The following SPIRE1 variants were observed in gnomAD, a reference collection of about 807,000 sequenced individuals.
SPIRE1 encodes the protein protein spire homolog 1.
SPIRE1 carries 40 observed loss-of-function variants against 94.1 expected under a neutral mutation model. The ratio of observed to expected loss-of-function variants is 0.43; its 90% CI spans 0.33 to 0.55. The LOEUF is 0.55. SPIRE1 is among the 20% of genes least tolerant of loss of function. The probability of loss-of-function intolerance (pLI) is 0.06; values close to 1 mark genes in which losing one functional copy is unlikely to be tolerated. For missense variants in SPIRE1, 838 were observed against 975.2 expected, an observed-to-expected ratio of 0.86 and a Z score of 1.87; for synonymous variants, 376 against 371.7, an observed-to-expected ratio of 1.01 and a Z score of -0.13.
chr18:12,631,548 C>CAAAAAAAAAAAAA (rs869278182), intron 2 of SPIRE1, among the ~76,000 whole-genome samples: 26 of 63,784 alleles, frequency 4.1e-4, no homozygotes, highest in Admixed American at 8.8e-4. Context: ...CCCATCTCTA[C>CAAAAAAAAAAAAA]AAAAAAAAAA....
intron 2 of SPIRE1, among the ~76,000 whole-genome samples, chr18:12,574,005 C>T (rs538700582): frequency 2.0e-5 from 3 of 152,298 alleles, no homozygotes; most frequent in South Asian, 4.1e-4. Flanking sequence ...TCCCAAAGTG[C>T]TAAGATTACA....
intron 2 of SPIRE1, among the ~76,000 whole-genome samples, chr18:12,628,490 C>T (rs553400831): frequency 6.6e-6 from 1 of 152,230 alleles, no homozygotes; most frequent in East Asian, 1.9e-4. Flanking sequence ...TACAATGCCT[C>T]CAGTTTTGTT....
chr18:12,494,637 G>T (rs1374185222), intron 7 of SPIRE1, among the ~76,000 whole-genome samples: 1 of 151,250 alleles, frequency 6.6e-6, no homozygotes, highest in Non-Finnish European at 1.5e-5. Flanking sequence ...AGATCATCCT[G>T]GCTAACACGG....
chr18:12,569,646 A>AC (rs1167091002), intron 2 of SPIRE1, among the ~76,000 whole-genome samples: 1 of 151,706 alleles, frequency 6.6e-6, no homozygotes, highest in East Asian at 1.9e-4. Flanking sequence ...CAAAAAAAAA[A>AC]AACAAGAGAA....
At chr18:12,657,492 T>C in intron 1 of SPIRE1, 38 bp downstream of exon 1, 1 of 1,223,536 alleles carries the variant, frequency 8.2e-7, no homozygotes, top group Non-Finnish European at 1.0e-6. Flanking sequence ...CCGCGGGTGT[T>C]CCAAGAACTA....
chr18:12,529,097 C>A (rs1042388210), intron 4 of SPIRE1, among the ~76,000 whole-genome samples: 5 of 152,344 alleles, frequency 3.3e-5, no homozygotes, highest in Admixed American at 3.3e-4. Flanking sequence ...AGGCTGGGCA[C>A]AGTGGCTCAC....
chr18:12,476,535 T>C (rs1251118130), intron 10 of SPIRE1, among the ~76,000 whole-genome samples: 1 of 80,168 alleles, frequency 1.2e-5, no homozygotes, highest in Non-Finnish European at 2.2e-5. Flanking sequence ...AGCGAGACTC[T>C]GTCTCCAAAA....
chr18:12,528,568 T>C (rs374782691), intron 4 of SPIRE1, among the ~76,000 whole-genome samples: 37 of 152,104 alleles, frequency 2.4e-4, no homozygotes, highest in African/African-American at 8.4e-4. Context: ...AGGGCAGGGA[T>C]GAATGGTGAA....
chr18:12,619,176 G>A (rs1020286230), intron 2 of SPIRE1, among the ~76,000 whole-genome samples: 3 of 152,120 alleles, frequency 2.0e-5, no homozygotes, highest in Non-Finnish European at 4.4e-5. Flanking sequence ...GATTATAGAC[G>A]TGGGCCACCA....
chr18:12,554,185 G>A (rs1418550368), intron 2 of SPIRE1, among the ~76,000 whole-genome samples: 2 of 151,462 alleles, frequency 1.3e-5, no homozygotes, highest in African/African-American at 2.4e-5. Context: ...TGTAATCCTA[G>A]CTACTTGGGA....
At chr18:12,511,574 T>C (rs1174823402) in intron 5 of SPIRE1, among the ~76,000 whole-genome samples, 5 of 152,198 alleles carry the variant, frequency 3.3e-5, no homozygotes, top group Non-Finnish European at 5.9e-5. Flanking sequence ...AATATTAATA[T>C]TTTAAAACAC....
chr18:12,622,057 T>G (rs138739269), intron 2 of SPIRE1, among the ~76,000 whole-genome samples: 3,251 of 152,246 alleles, frequency 0.021, 118 homozygotes, highest in African/African-American at 0.07. Flanking sequence ...CCTAAATGAC[T>G]CATCCATCTC....
chr18:12,615,345 A>ATATATAT (rs1555632289), intron 2 of SPIRE1, among the ~76,000 whole-genome samples: 4 of 17,240 alleles, frequency 2.3e-4, no homozygotes, highest in Non-Finnish European at 5.6e-4. Context: ...AAAAAAAAAA[A>ATATATAT]ATATATATAT....
intron 7 of SPIRE1, among the ~76,000 whole-genome samples, chr18:12,494,066 G>T (rs1003939506): frequency 1.3e-5 from 2 of 151,798 alleles, no homozygotes; most frequent in Non-Finnish European, 2.9e-5. Flanking sequence ...CACTGCACAC[G>T]GCTAATTTTT....
intron 11 of SPIRE1, among the ~76,000 whole-genome samples, chr18:12,464,181 ACACAGATATAATTTC>A (rs2031993229): frequency 1.3e-5 from 2 of 152,328 alleles, no homozygotes; most frequent in South Asian, 4.1e-4. Context: ...CTAAAGGAAA[ACACAGATATAATTTC>A]CACAGTCAAG....
intron 5 of SPIRE1, among the ~76,000 whole-genome samples, chr18:12,509,904 G>A (rs1041468329): frequency 1.3e-5 from 2 of 152,030 alleles, no homozygotes; most frequent in African/African-American, 4.8e-5. Context: ...GACCAACATG[G>A]TGAAACCCTG....
At chr18:12,461,908 C>T (rs1291355245) in intron 12 of SPIRE1, among the ~76,000 whole-genome samples, 1 of 152,200 alleles carries the variant, frequency 6.6e-6, no homozygotes, top group Non-Finnish European at 1.5e-5. Context: ...GCTGGGATTA[C>T]AGGTGTGAGC....
chr18:12,636,411 T>C (rs2037929381), intron 1 of SPIRE1: 1 of 152,092 alleles, frequency 6.6e-6, no homozygotes, highest in African/African-American at 2.4e-5. Flanking sequence ...GACTGTATTA[T>C]GACATCACAA....
At chr18:12,616,308 AAAG>A (rs922740951) in intron 2 of SPIRE1, among the ~76,000 whole-genome samples, 4 of 152,212 alleles carry the variant, frequency 2.6e-5, no homozygotes, top group African/African-American at 9.6e-5. Flanking sequence ...GGAAAAGGAA[AAAG>A]AAGGCCATAA....
Sources: allele counts gnomAD v4.1 joint callset (sites outside exome capture counted in the v4.1 genomes callset), GRCh38; gene constraint gnomAD v4.1.1; transcripts MANE v1.5; gene names NCBI Gene and HGNC (gene_info 2026-07-23, HGNC 2026-07-21).